KATNAL1: variants seen among roughly 807,000 people sequenced by gnomAD.
KATNAL1 encodes the protein katanin p60 ATPase-containing subunit A-like 1.
Under a neutral mutation model 55.2 loss-of-function variants are expected in KATNAL1, and 32 were observed. The observed-to-expected ratio is 0.58, with a 90% CI of 0.44 to 0.78. The LOEUF (loss-of-function observed/expected upper bound fraction) is 0.78, where lower values mean the gene tolerates loss of function less well. Ranked by LOEUF, KATNAL1 falls within the 30% of genes least tolerant of loss-of-function variation. The pLI is 0.00. For synonymous variants in KATNAL1, 193 were observed against 193.6 expected (o/e 1.00, Z 0.02); for missense variants, 466 against 600.9 (o/e 0.78, Z 2.35).
intron 6 of KATNAL1, among the ~76,000 whole-genome samples, chr13:30,234,092 AG>A (rs1459857503): frequency 4.6e-5 from 7 of 152,338 alleles, no homozygotes; most frequent in Non-Finnish European, 7.4e-5. Context: ...CAAATGTTAA[AG>A]GTGGTGGATA....
At chr13:30,266,012 C>CAAA (rs776557665) in intron 3 of KATNAL1, among the ~76,000 whole-genome samples, 6 of 35,364 alleles carry the variant, frequency 1.7e-4, no homozygotes, top group Admixed American at 3.7e-4. Flanking sequence ...AACTCCATCT[C>CAAA]AAAAAAAAAA....
At chr13:30,210,164 T>TAA (rs56110946) in intron 10 of KATNAL1, 152 bp downstream of exon 10, 2 of 471,388 alleles carry the variant, frequency 4.2e-6, no homozygotes, top group Non-Finnish European at 7.0e-6. Flanking sequence ...AAGTTATATG[T>TAA]AAAAAAAAAG....
At chr13:30,271,889 AAAAAAAAAAAAC>A (rs1880400590) in intron 3 of KATNAL1, among the ~76,000 whole-genome samples, 1 of 151,244 alleles carries the variant, frequency 6.6e-6, no homozygotes, top group Non-Finnish European at 1.5e-5. Context: ...AAAAAAAAAA[AAAAAAAAAAAAC>A]AGAGTTGTGT....
At chr13:30,304,092 T>G (rs1037814278) in intron 1 of KATNAL1, among the ~76,000 whole-genome samples, 1 of 152,168 alleles carries the variant, frequency 6.6e-6, no homozygotes, top group African/African-American at 2.4e-5. Flanking sequence ...AGGGTACAGA[T>G]TTGGAGACCT....
chr13:30,249,224 TTC>T (rs974880617), intron 4 of KATNAL1, among the ~76,000 whole-genome samples: 3 of 151,338 alleles, frequency 2.0e-5, no homozygotes, highest in African/African-American at 7.3e-5. Flanking sequence ...AAGAGCGAAA[TTC>T]TGTCTCAAAA....
At chr13:30,227,013 T>A (rs1322313038) in intron 9 of KATNAL1, among the ~76,000 whole-genome samples, 3 of 152,000 alleles carry the variant, frequency 2.0e-5, no homozygotes, top group Admixed American at 6.6e-5. Context: ...GAGGTGGAGG[T>A]TGCAGTGACC....
intron 8 of KATNAL1, among the ~76,000 whole-genome samples, 192 bp from the exon 9 acceptor site, chr13:30,227,738 C>A (rs911758121): frequency 2.6e-5 from 4 of 151,120 alleles, no homozygotes; most frequent in Non-Finnish European, 4.4e-5. Flanking sequence ...ATTCACATAA[C>A]CTAGTGTGGG....
intron 3 of KATNAL1, among the ~76,000 whole-genome samples, chr13:30,259,361 G>C (rs1050182719): frequency 1.3e-5 from 2 of 152,052 alleles, no homozygotes; most frequent in African/African-American, 4.8e-5. Context: ...AAAAAGTGGG[G>C]GGAGGAGCCA....
chr13:30,242,552 T>C (rs998053568), intron 4 of KATNAL1, among the ~76,000 whole-genome samples: 6 of 152,100 alleles, frequency 3.9e-5, no homozygotes, highest in African/African-American at 7.2e-5. Context: ...TGTGAAGTGC[T>C]GTGAAAAAAC....
intron 9 of KATNAL1, among the ~76,000 whole-genome samples, chr13:30,227,113 A>ACT (rs71093031): frequency 0.83 from 126,080 of 151,154 alleles, 52,685 homozygotes; most frequent in East Asian, 0.96. Context: ...ACACACACAC[A>ACT]CTCTCTCTCT....
intron 4 of KATNAL1, among the ~76,000 whole-genome samples, chr13:30,253,766 C>T (rs1198638207): frequency 6.6e-6 from 1 of 151,784 alleles, no homozygotes; most frequent in African/African-American, 2.4e-5. Flanking sequence ...TTTAATTGTT[C>T]TGGATCTCTT....
chr13:30,290,649 TA>T (rs1425635244), intron 1 of KATNAL1, among the ~76,000 whole-genome samples: 2 of 152,280 alleles, frequency 1.3e-5, no homozygotes, highest in Non-Finnish European at 2.9e-5. Flanking sequence ...ATCAGAAAAT[TA>T]CAATATCAAT....
rs549705959 is a variant in KATNAL1 at position 30,203,518 on chromosome 13, TAAGAGGGAAAC to T, written c.*5011_*5021del. 2.4e-3 allele frequency: 371 copies of T among 152,342 alleles called. 3 individuals are homozygous for T. The highest frequency in any genetic ancestry group is 8.4e-3 in the African/African-American group (350 of 41,574). 9.4% of individuals were successfully genotyped at this position (152,342 alleles called of 1,614,324 possible). On this transcript the variant is annotated 3_prime_UTR_variant, in exon 11 of 11. Transcript: ENST00000380615. The stretch of plus-strand genomic sequence containing the variant: ...GAACAATCAAATGGGAGTCCTTTTA[TAAGAGGGAAAC>T]TTCTCTATACAAATTCCCTATTTTT...
chr13:30,208,680 G>A lies in KATNAL1; in HGVS notation c.1333C>T (p.Arg445Cys), dbSNP rs747851515. ...TGAAGTTCCTCTTTAGAAAGTGCAC[G>A]GATTTCTTCTGGACTTAAGCCATTG... Reference protein sequence around the residue: ...RINGLSPEEIRALSKEELQMP... With the variant: ...RINGLSPEEICALSKEELQMP... Residue 445 changes from arginine (R) to cysteine (C), a missense_variant, in exon 11 of 11, where the codon CGT becomes TGT. Transcript: ENST00000380615. The A allele has an allele frequency of 3.7e-6, 6 of 1,613,706 alleles. No homozygotes were observed. Among genetic ancestry groups the A allele is most frequent in the East Asian group, 2.2e-5 (1 of 44,872 alleles).
intron 1 of KATNAL1, among the ~76,000 whole-genome samples, chr13:30,299,980 A>C (rs1566137652): frequency 6.0e-5 from 9 of 151,092 alleles, no homozygotes; most frequent in Non-Finnish European, 8.9e-5. Flanking sequence ...CATCACCCAC[A>C]ACACACACAC....
intron 9 of KATNAL1, among the ~76,000 whole-genome samples, chr13:30,225,417 T>C (rs186804246): frequency 9.3e-4 from 141 of 152,220 alleles, no homozygotes; most frequent in Non-Finnish European, 1.5e-3. Context: ...ACAAATTATT[T>C]GAAAGGCACA....
rs941074525 is a variant in KATNAL1 at position 30,208,529 on chromosome 13, C to T, written c.*11G>A. The T allele has an allele frequency of 6.7e-7, 1 of 1,490,408 alleles. No individual in the cohort carries two copies. The highest frequency in any genetic ancestry group is 1.4e-5 in the African/African-American group (1 of 70,816). The allele number at this position is 1,490,408 out of a possible 1,614,324, so 92.3% of individuals were successfully genotyped here. ...AACAAAAATACCAGAAATTAAAGAG[C>T]TGACAGAAATTCAAGCAGATCCAAA... is the stretch of plus-strand genomic sequence containing the variant. On this transcript the variant is annotated 3_prime_UTR_variant, in exon 11 of 11. Coordinates refer to ENST00000380615, the MANE Select transcript of KATNAL1 (RefSeq NM_032116.5).
At chr13:30,269,797 G>T (rs1297096837) in intron 3 of KATNAL1, among the ~76,000 whole-genome samples, 1 of 145,086 alleles carries the variant, frequency 6.9e-6, no homozygotes, top group Non-Finnish European at 1.6e-5. Context: ...CCTCCGCCCG[G>T]CAGCCGCCCC....
intron 2 of KATNAL1, among the ~76,000 whole-genome samples, chr13:30,280,425 A>G (rs1212863621): frequency 1.3e-5 from 2 of 152,228 alleles, no homozygotes; most frequent in Non-Finnish European, 2.9e-5. Context: ...ATAATTCTAT[A>G]CCTTTTAATA....
Sources: gnomAD v4.1 joint callset for allele counts (sites outside exome capture counted in the v4.1 genomes callset) on GRCh38, gnomAD v4.1.1 for gene constraint, MANE v1.5 for transcripts, NCBI Gene and HGNC (gene_info 2026-07-23, HGNC 2026-07-21) for gene names.